The following STAG2 variants were observed in gnomAD, a reference collection of about 807,000 sequenced individuals.
STAG2 encodes STAG2 cohesin complex component.
Under a neutral mutation model 108.1 loss-of-function variants are expected in STAG2, and 14 were observed. The ratio of observed to expected loss-of-function variants is 0.13; its 90% confidence interval spans 0.09 to 0.20. The LOEUF is 0.20. Ranked by LOEUF, STAG2 falls within the 10% of genes least tolerant of loss-of-function variation. The pLI is 1.00. For synonymous variants in STAG2, 307 were observed against 302.7 expected (o/e 1.01, Z -0.15); for missense variants, 440 against 940.9 (o/e 0.47, Z 6.96).
At chrX:123,992,024 A>AGTCC in intron 1 of STAG2, among the ~76,000 whole-genome samples, 1 of 112,521 alleles carries the variant, frequency 8.9e-6, no homozygotes, top group Non-Finnish European at 1.9e-5. Context: ...TCTAGAAGTG[A>AGTCC]TTTAAAGTAT....
At chrX:124,060,645 G>A (rs1488430218) in intron 15 of STAG2, among the ~76,000 whole-genome samples, 2 of 110,567 alleles carry the variant, frequency 1.8e-5, no homozygotes, top group South Asian at 3.8e-4. Flanking sequence ...TTTTCAGGAC[G>A]GGTGCAGTGG....
At chrX:124,001,032 A>T (rs1178765773) in intron 1 of STAG2, among the ~76,000 whole-genome samples, 2 of 112,311 alleles carry the variant, frequency 1.8e-5, no homozygotes, top group African/African-American at 6.5e-5. Flanking sequence ...TCAGTGTAAA[A>T]GTTTATAAAA....
intron 1 of STAG2, among the ~76,000 whole-genome samples, chrX:124,004,296 T>G (rs1459390847): frequency 2.7e-5 from 3 of 111,854 alleles, no homozygotes; most frequent in Non-Finnish European, 3.8e-5. Context: ...CATGGTGTAC[T>G]GCTCTCCAGA....
intron 32 of STAG2, among the ~76,000 whole-genome samples, chrX:124,091,996 A>G (rs928272563): frequency 8.0e-5 from 9 of 112,056 alleles, no homozygotes. Flanking sequence ...TACAGGGAAA[A>G]GTGTGATGAT....
At chrX:124,093,895 C>T in intron 32 of STAG2, 123 bp from the exon 33 acceptor site, 1 of 748,427 alleles carries the variant, frequency 1.3e-6, no homozygotes, top group Non-Finnish European at 2.0e-6. Context: ...CCTAATCATT[C>T]TCCCTGACCT....
intron 5 of STAG2, among the ~76,000 whole-genome samples, chrX:124,035,591 A>C (rs1199100306): frequency 8.9e-6 from 1 of 112,066 alleles, no homozygotes; most frequent in Admixed American, 9.5e-5. Flanking sequence ...CTGCTTTATG[A>C]TGTCAAGGGC....
intron 4 of STAG2, among the ~76,000 whole-genome samples, chrX:124,028,793 T>TA (rs1368905364): frequency 1.0e-4 from 2 of 19,477 alleles, no homozygotes; most frequent in African/African-American, 1.8e-4. Flanking sequence ...CTAAGAATAG[T>TA]TTATATATAT....
intron 1 of STAG2, among the ~76,000 whole-genome samples, chrX:123,975,524 G>A (rs992097958): frequency 2.7e-5 from 3 of 112,111 alleles, no homozygotes; most frequent in Non-Finnish European, 5.6e-5. Flanking sequence ...GTGCAATGGC[G>A]TGATCTCAGC....
At chrX:123,976,140 A>G (rs1490406057) in intron 1 of STAG2, among the ~76,000 whole-genome samples, 1 of 111,654 alleles carries the variant, frequency 9.0e-6, no homozygotes, top group Non-Finnish European at 1.9e-5. Flanking sequence ...CAGGCATGGC[A>G]GTGTACATCT....
chrX:123,991,249 G>A (rs1330390356), intron 1 of STAG2, among the ~76,000 whole-genome samples: 1 of 112,089 alleles, frequency 8.9e-6, no homozygotes, highest in Non-Finnish European at 1.9e-5. Flanking sequence ...CATATCCATG[G>A]TTACCCATTT....
chrX:123,972,704 TGAG>T (rs2054413686), intron 1 of STAG2, among the ~76,000 whole-genome samples: 1 of 106,776 alleles, frequency 9.4e-6, no homozygotes, highest in Non-Finnish European at 1.9e-5. Flanking sequence ...AAGGTTATTT[TGAG>T]GAGATTTGAT....
chrX:124,026,377 GA>G (rs1168901672), intron 4 of STAG2, among the ~76,000 whole-genome samples: 5 of 110,986 alleles, frequency 4.5e-5, no homozygotes, highest in Non-Finnish European at 9.4e-5. Flanking sequence ...TAAGTAATAT[GA>G]AAGATAAAAA....
At chrX:124,026,006 T>A (rs2057083089) in intron 4 of STAG2, 88 bp downstream of exon 4, 10 of 711,676 alleles carry the variant, frequency 1.4e-5, no homozygotes, top group Non-Finnish European at 2.1e-5. Flanking sequence ...TTTTATCTTT[T>A]AAAAATGGCT....
At chrX:124,017,651 T>G (rs1376265729) in intron 1 of STAG2, among the ~76,000 whole-genome samples, 1 of 111,802 alleles carries the variant, frequency 8.9e-6, no homozygotes, top group Non-Finnish European at 1.9e-5. Flanking sequence ...TCATTCTTTT[T>G]TTGGAGTTGC....
chrX:123,994,403 A>G (rs2055628843), intron 1 of STAG2, among the ~76,000 whole-genome samples: 1 of 111,467 alleles, frequency 9.0e-6, no homozygotes, highest in Non-Finnish European at 1.9e-5. Flanking sequence ...TCAAATTTCA[A>G]CATGAGTTTT....
intron 26 of STAG2, 50 bp from the exon 27 acceptor site, chrX:124,077,907 T>G (rs765454507): frequency 9.2e-6 from 8 of 873,119 alleles, no homozygotes; most frequent in Non-Finnish European, 1.1e-5. Context: ...TGTCTTATTG[T>G]CAAGTAGTTT....
At chrX:124,081,176 G>C (rs986279288) in intron 27 of STAG2, among the ~76,000 whole-genome samples, 9 of 111,168 alleles carry the variant, frequency 8.1e-5, no homozygotes, top group African/African-American at 2.3e-4. Context: ...TAACCTGAAG[G>C]GTTTCTAATG....
At chrX:124,097,800 G>C (rs921435330) in intron 34 of STAG2, 2 of 247,368 alleles carry the variant, frequency 8.1e-6, no homozygotes, top group Non-Finnish European at 1.7e-5. Flanking sequence ...TTTGATGCCA[G>C]TTCCTTTTGA....
chrX:124,090,186 AGG>A (rs1569521243), intron 30 of STAG2, among the ~76,000 whole-genome samples: 20 of 100,077 alleles, frequency 2.0e-4, no homozygotes, highest in East Asian at 3.2e-4. Flanking sequence ...AAAAAAAAAA[AGG>A]TTTAGTCCTT....
Sources: gnomAD v4.1 joint callset for allele counts (sites outside exome capture counted in the v4.1 genomes callset) on GRCh38, gnomAD v4.1.1 for gene constraint, MANE v1.5 for transcripts, NCBI Gene and HGNC (gene_info 2026-07-23, HGNC 2026-07-21) for gene names.